Variants in PRIM2 observed in about 807,000 individuals in gnomAD.
PRIM2 encodes the protein DNA primase subunit 2, also known as DNA primase large subunit.
PRIM2 carries 39 observed loss-of-function variants against 67.3 expected under a neutral mutation model. The observed-to-expected ratio is 0.58, with a 90% CI of 0.45 to 0.76. PRIM2 has a LOEUF of 0.76. PRIM2 is among the 30% of genes least tolerant of loss of function. The probability of loss-of-function intolerance (pLI) is 0.00; values close to 1 mark genes in which losing one functional copy is unlikely to be tolerated. For missense variants in PRIM2, 398 were observed against 598.7 expected, an observed-to-expected ratio of 0.66 and a Z score of 3.50; for synonymous variants, 143 against 198.7, an observed-to-expected ratio of 0.72 and a Z score of 2.36.
chr6:57,249,378 A>G, the PRIM2 span, among the ~76,000 whole-genome samples: 2 of 152,222 alleles, frequency 1.3e-5, no homozygotes, highest in South Asian at 4.1e-4. Context: ...AGAATAGCAT[A>G]GAACTGTCCA....
intron 8 of PRIM2, among the ~76,000 whole-genome samples, chr6:57,512,403 G>A (rs1468426217): frequency 2.6e-5 from 4 of 152,100 alleles, no homozygotes; most frequent in Non-Finnish European, 5.9e-5. Flanking sequence ...CAATGTTTTA[G>A]GAGGGGTAGA....
chr6:57,356,676 T>C (rs1769040841), intron 5 of PRIM2, among the ~76,000 whole-genome samples: 1 of 152,164 alleles, frequency 6.6e-6, no homozygotes, highest in African/African-American at 2.4e-5. Context: ...AAGAACCTGA[T>C]CATGAGCACT....
At chr6:57,495,393 C>T (rs1433786998) in intron 7 of PRIM2, among the ~76,000 whole-genome samples, 1 of 152,184 alleles carries the variant, frequency 6.6e-6, no homozygotes, top group Admixed American at 6.5e-5. Context: ...TCAAGGAAGA[C>T]ATCATTGTGC....
intron 5 of PRIM2, among the ~76,000 whole-genome samples, chr6:57,369,812 A>G (rs548243065): frequency 5.3e-4 from 80 of 152,332 alleles, no homozygotes; most frequent in Admixed American, 1.4e-3. Context: ...TAATGAAATG[A>G]CAAGTTTATA....
intron 7 of PRIM2, among the ~76,000 whole-genome samples, chr6:57,446,742 G>A (rs930327162): frequency 4.5e-4 from 68 of 152,186 alleles, no homozygotes; most frequent in African/African-American, 4.1e-4. Context: ...TTGGGAATGG[G>A]ACCTAATAAC....
intron 10 of PRIM2, among the ~76,000 whole-genome samples, chr6:57,590,352 G>T (rs1377237088): frequency 3.9e-5 from 6 of 152,176 alleles, no homozygotes; most frequent in African/African-American, 1.4e-4. Context: ...AGTTAAAATG[G>T]TAAAAACAGA....
chr6:57,639,490 T>C (rs1397253150), intron 13 of PRIM2, among the ~76,000 whole-genome samples: 1 of 151,438 alleles, frequency 6.6e-6, no homozygotes, highest in Non-Finnish European at 1.5e-5. Context: ...ATCAACAAAA[T>C]TGATAGACTG....
chr6:57,389,244 A>G (rs1770250188), intron 7 of PRIM2, among the ~76,000 whole-genome samples: 2 of 152,142 alleles, frequency 1.3e-5, no homozygotes, highest in African/African-American at 4.8e-5. Context: ...AGCTGGAGCC[A>G]CAGGCCTGTG....
chr6:57,439,404 GTTTTTTTTTTTTTTTTT>G (rs149436085), intron 7 of PRIM2, among the ~76,000 whole-genome samples: 4,301 of 57,272 alleles, frequency 0.075, 297 homozygotes, highest in African/African-American at 0.22. Flanking sequence ...GAGGTACTCT[GTTTTTTTTTTTTTTTTT>G]TTTTTTTTTT....
chr6:57,603,715 G>GA (rs1466105422), intron 11 of PRIM2, among the ~76,000 whole-genome samples: 69 of 151,430 alleles, frequency 4.6e-4, no homozygotes, highest in African/African-American at 1.6e-3. Context: ...CTTATTCTGT[G>GA]AAAAATGACA....
At chr6:57,250,850 T>TTAATC in the PRIM2 span, among the ~76,000 whole-genome samples, 3 of 152,114 alleles carry the variant, frequency 2.0e-5, no homozygotes, top group African/African-American at 4.8e-5. Context: ...TCCTAAATGC[T>TTAATC]CCAAAATTAA....
chr6:57,373,929 G>C (rs1281170791), intron 5 of PRIM2, among the ~76,000 whole-genome samples: 1 of 151,886 alleles, frequency 6.6e-6, no homozygotes. Context: ...GGTTATTTGG[G>C]CTCCTTTTTG....
rs1445867324 is a variant in PRIM2 at position 57,531,798 on chromosome 6, C to T, written c.762-613C>T. 2.6e-5 allele frequency among the ~76,000 whole-genome samples: 4 copies of T among 152,248 alleles called. No individual in the cohort carries two copies. In the East Asian group the frequency reaches 7.7e-4, roughly 29 times the overall value. On this transcript the variant is annotated intron_variant, in intron 8 of 13. Coordinates refer to ENST00000615550, the MANE Select transcript of PRIM2 (RefSeq NM_000947.5). ...CCATTCATCAGATGATATACAGAAA[C>T]GCTCTTTCAGGGGGTTGCAAGGATC...
At chr6:57,336,043 C>T (rs1479256414) in intron 5 of PRIM2, among the ~76,000 whole-genome samples, 2 of 151,714 alleles carry the variant, frequency 1.3e-5, no homozygotes, top group Admixed American at 6.6e-5. Flanking sequence ...AACCAAGGCT[C>T]GAGAACTACG....
intron 7 of PRIM2, among the ~76,000 whole-genome samples, chr6:57,452,117 AT>A (rs34116230): frequency 1.2e-4 from 18 of 151,906 alleles, no homozygotes; most frequent in East Asian, 1.9e-4. Context: ...TGAACTCATC[AT>A]TTTTTTATGG....
the PRIM2 span, among the ~76,000 whole-genome samples, chr6:57,267,003 C>T: frequency 3.9e-5 from 6 of 152,254 alleles, no homozygotes; most frequent in East Asian, 1.9e-4. Flanking sequence ...AAAGATGTGA[C>T]GTGGGAAGTC....
At chr6:57,566,373 C>T (rs1198908840) in intron 10 of PRIM2, among the ~76,000 whole-genome samples, 1 of 151,980 alleles carries the variant, frequency 6.6e-6, no homozygotes, top group South Asian at 2.1e-4. Context: ...GTTTGTCTAT[C>T]GAATGATCTT....
chr6:57,629,155 TAACAA>T (rs1364940405), intron 12 of PRIM2, among the ~76,000 whole-genome samples: 32 of 152,146 alleles, frequency 2.1e-4, no homozygotes, highest in Non-Finnish European at 4.3e-4. Flanking sequence ...TGGAAAAATT[TAACAA>T]AACAAAGTGC....
intron 5 of PRIM2, among the ~76,000 whole-genome samples, chr6:57,335,844 A>G (rs1161217285): frequency 6.6e-6 from 1 of 152,254 alleles, no homozygotes; most frequent in Non-Finnish European, 1.5e-5. Context: ...CAGCAACGGA[A>G]CAAAGCTGGA....
Sources: gnomAD v4.1 joint callset for allele counts (sites outside exome capture counted in the v4.1 genomes callset) on GRCh38, gnomAD v4.1.1 for gene constraint, MANE v1.5 for transcripts, NCBI Gene and HGNC (gene_info 2026-07-23, HGNC 2026-07-21) for gene names.